Variants in DLG2 observed in about 807,000 individuals in gnomAD.
The protein encoded by DLG2 is discs large MAGUK scaffold protein 2, also known as disks large homolog 2.
A neutral mutation model predicts 132.5 loss-of-function variants in DLG2; 45 were observed. The ratio of observed to expected loss-of-function variants is 0.34; its 90% CI spans 0.27 to 0.44. DLG2 has a LOEUF of 0.44. Among genes scored for constraint, DLG2 ranks in the 20% least tolerant of loss-of-function variants. DLG2 has a pLI of 1.00. For synonymous variants in DLG2, 424 were observed against 419.6 expected (o/e 1.01, Z -0.13); for missense variants, 1,045 against 1,196.9 (o/e 0.87, Z 1.87).
intron 6 of DLG2, among the ~76,000 whole-genome samples, chr11:84,761,518 A>C (rs2153863857): frequency 6.6e-6 from 1 of 152,292 alleles, no homozygotes; most frequent in South Asian, 2.1e-4. Context: ...GGCACAATCT[A>C]ATCAGCTGCC....
intron 7 of DLG2, among the ~76,000 whole-genome samples, chr11:84,352,152 C>A (rs79047760): frequency 6.6e-6 from 1 of 152,170 alleles, no homozygotes; most frequent in East Asian, 1.9e-4. Context: ...GACCTTCTCC[C>A]GCTCTTGCTC....
intron 3 of DLG2, among the ~76,000 whole-genome samples, chr11:85,324,206 G>A (rs927529466): frequency 1.3e-5 from 2 of 152,244 alleles, no homozygotes; most frequent in Middle Eastern, 6.8e-3. Context: ...TCTCCCCTGA[G>A]TTCACCAGAA....
intron 6 of DLG2, among the ~76,000 whole-genome samples, chr11:84,596,560 A>G (rs2099558953): frequency 6.6e-6 from 1 of 151,920 alleles, no homozygotes; most frequent in South Asian, 2.1e-4. Context: ...ATGGAATTTC[A>G]GTGGCAAATA....
At chr11:85,145,187 G>T (rs147414534) in intron 5 of DLG2, among the ~76,000 whole-genome samples, 9 of 151,958 alleles carry the variant, frequency 5.9e-5, no homozygotes, top group African/African-American at 2.2e-4. Flanking sequence ...CCACTGAAAA[G>T]GTTGTTGCCA....
intron 3 of DLG2, among the ~76,000 whole-genome samples, chr11:85,501,057 G>C (rs1261363327): frequency 6.6e-6 from 1 of 152,094 alleles, no homozygotes; most frequent in African/African-American, 2.4e-5. Flanking sequence ...CATGGTACTG[G>C]TACCAAAACA....
chr11:84,951,653 G>A (rs1012444580), intron 6 of DLG2, among the ~76,000 whole-genome samples: 4 of 146,620 alleles, frequency 2.7e-5, no homozygotes, highest in Non-Finnish European at 3.0e-5. Flanking sequence ...ACATATATAT[G>A]CATTCTATAT....
intron 18 of DLG2, among the ~76,000 whole-genome samples, chr11:83,733,888 T>C (rs1375331935): frequency 6.6e-6 from 1 of 152,184 alleles, no homozygotes; most frequent in African/African-American, 2.4e-5. Context: ...ATATTGTACC[T>C]ATTAAGTAAT....
chr11:84,443,924 T>A (rs892163896), intron 7 of DLG2, among the ~76,000 whole-genome samples: 2 of 152,016 alleles, frequency 1.3e-5, no homozygotes, highest in East Asian at 3.9e-4. Context: ...TTTTTATCAT[T>A]TTTTTCTCTC....
intron 3 of DLG2, among the ~76,000 whole-genome samples, chr11:85,473,100 C>T (rs1375630216): frequency 2.6e-5 from 4 of 152,212 alleles, no homozygotes; most frequent in Non-Finnish European, 4.4e-5. Flanking sequence ...TCTGGTCTAG[C>T]TGCAGCCTCA....
intron 11 of DLG2, among the ~76,000 whole-genome samples, chr11:84,025,137 T>G (rs2095504610): frequency 6.6e-6 from 1 of 152,166 alleles, no homozygotes; most frequent in African/African-American, 2.4e-5. Context: ...GTAGGTTGGT[T>G]GATGGGTCAG....
At chr11:84,830,371 T>C (rs893607367) in intron 6 of DLG2, among the ~76,000 whole-genome samples, 1 of 141,546 alleles carries the variant, frequency 7.1e-6, no homozygotes, top group African/African-American at 2.6e-5. Flanking sequence ...GTCATCTACG[T>C]TTTTTTTTTT....
chr11:83,950,095 T>C (rs1443077489), intron 14 of DLG2, among the ~76,000 whole-genome samples: 2 of 152,174 alleles, frequency 1.3e-5, no homozygotes, highest in Non-Finnish European at 2.9e-5. Context: ...ATCAGTTACC[T>C]CACGTGTAAA....
chr11:84,406,938 A>T (rs762483626), intron 7 of DLG2, among the ~76,000 whole-genome samples: 62 of 152,208 alleles, frequency 4.1e-4, no homozygotes, highest in Non-Finnish European at 7.3e-4. Context: ...GTTTTCAAAG[A>T]TGGGCAGCTC....
chr11:83,581,490 C>CA lies in DLG2; in HGVS notation c.1941-39633dup, dbSNP rs374493355. 3.7e-3 allele frequency among the ~76,000 whole-genome samples: 548 copies of CA among 149,670 alleles called. 3 individuals carry two copies. Among genetic ancestry groups the CA allele is most frequent in the South Asian group, 0.013 (61 of 4,698 alleles). ...AAGAGGAAATAACATTATTTCAGCT[C>CA]AAAAAAAAATACATTCTTGCAAGAA... On this transcript the variant is annotated intron_variant, in intron 19 of 27. Coordinates refer to ENST00000376104, the MANE Select transcript of DLG2 (RefSeq NM_001142699.3).
At chr11:84,636,731 G>A (rs1479409660) in intron 6 of DLG2, among the ~76,000 whole-genome samples, 1 of 151,494 alleles carries the variant, frequency 6.6e-6, no homozygotes, top group Admixed American at 6.6e-5. Flanking sequence ...CTATTATAAG[G>A]TACTTGGAGA....
intron 6 of DLG2, among the ~76,000 whole-genome samples, chr11:84,610,177 G>C (rs1325684639): frequency 6.6e-6 from 1 of 151,882 alleles, no homozygotes; most frequent in Non-Finnish European, 1.5e-5. Flanking sequence ...AGCTTTTCAT[G>C]ATGCCACCTC....
At chr11:85,111,100 T>G (rs138320084) in intron 6 of DLG2, among the ~76,000 whole-genome samples, 186 of 152,208 alleles carry the variant, frequency 1.2e-3, no homozygotes, top group African/African-American at 4.3e-3. Context: ...GTGCTACAAT[T>G]GATGCACTAT....
intron 10 of DLG2, among the ~76,000 whole-genome samples, chr11:84,082,281 G>A (rs990430423): frequency 6.6e-6 from 1 of 152,160 alleles, no homozygotes; most frequent in African/African-American, 2.4e-5. Flanking sequence ...CAGGATAAAA[G>A]TTCAACTGTT....
intron 7 of DLG2, among the ~76,000 whole-genome samples, chr11:84,346,203 T>C (rs2098538611): frequency 6.6e-6 from 1 of 152,258 alleles, no homozygotes; most frequent in Non-Finnish European, 1.5e-5. Flanking sequence ...TATTCTTTGA[T>C]ACTCTCAAAT....
Sources: allele counts gnomAD v4.1 joint callset (sites outside exome capture counted in the v4.1 genomes callset), GRCh38; gene constraint gnomAD v4.1.1; transcripts MANE v1.5; gene names NCBI Gene and HGNC (gene_info 2026-07-23, HGNC 2026-07-21).